The following SYDE2 variants were observed in gnomAD, a reference collection of about 807,000 sequenced individuals.
SYDE2 encodes rho GTPase-activating protein SYDE2.
In SYDE2, 76 loss-of-function variants were observed where a neutral mutation model predicts 91.5. The ratio of observed to expected loss-of-function variants is 0.83; its 90% CI spans 0.69 to 1.01. SYDE2 has a LOEUF of 1.01. Ranked by LOEUF, SYDE2 falls within the 50% of genes least tolerant of loss-of-function variation. SYDE2 has a pLI of 0.00. For synonymous variants in SYDE2, 513 were observed against 506.4 expected (o/e 1.01, Z -0.18); for missense variants, 1,364 against 1,367.7 (o/e 1.00, Z 0.04).
At chr1:85,167,977 G>C (rs767901359) in intron 5 of SYDE2, among the ~76,000 whole-genome samples, 8 of 152,064 alleles carry the variant, frequency 5.3e-5, no homozygotes, top group Non-Finnish European at 1.2e-4. Flanking sequence ...AGTCGGGCAT[G>C]GTGGCGCCCA....
chr1:85,196,796 G>A lies in SYDE2; in HGVS notation c.745+3456C>T, dbSNP rs1307041668. Among the ~76,000 whole-genome samples, 4 of 152,076 alleles carry A rather than the reference G, an allele frequency of 2.6e-5. No individual in the cohort carries two copies. In the South Asian group the frequency reaches 6.2e-4, roughly 24 times the overall value. On this transcript the variant is annotated intron_variant, in intron 1 of 6. Transcript: ENST00000341460. ...TGCAATTCATAAAGATAAAAAATCA[G>A]AGTTACAAATACTTGAGAAAAGTAG...
At chr1:85,160,082 G>C (rs1343935540) in intron 6 of SYDE2, 2 of 983,928 alleles carry the variant, frequency 2.0e-6, no homozygotes, top group Admixed American at 6.2e-5. Context: ...ATATAAAATA[G>C]ACAATTTAAA....
intron 3 of SYDE2, among the ~76,000 whole-genome samples, chr1:85,180,410 G>C (rs557101742): frequency 6.6e-6 from 1 of 152,170 alleles, no homozygotes; most frequent in South Asian, 2.1e-4. Flanking sequence ...TACAGTTCTA[G>C]GCCGGACGCG....
chr1:85,182,665 G>C lies in SYDE2; in HGVS notation c.1977C>G (p.Asp659Glu), dbSNP rs1341174839. Residue 659 changes from aspartate to glutamate, a missense_variant, in exon 3 of 7, where the codon GAC becomes GAG. Asp to Glu is a conservative substitution (Grantham distance 45). Transcript: ENST00000341460. ...ISNSCSKNEIDIDAFRHYSFS... is the reference protein window; with the variant it reads ...ISNSCSKNEIEIDAFRHYSFS... ...AGCTATAATGCCTAAAAGCATCAAT[G>C]TCTATTTCATTCTTGCTACAACTAT... is the stretch of plus-strand genomic sequence containing the variant. The C allele has an allele frequency of 6.2e-7, 1 of 1,613,644 alleles. No homozygotes were observed. The highest frequency in any genetic ancestry group is 8.5e-7 in the Non-Finnish European group (1 of 1,179,816).
At position 85,182,839 on chromosome 1, in the gene SYDE2, C is replaced by G; in HGVS notation, c.1803G>C (p.Gln601His). ...RYHLDTSVSS[Q>H]QSYQKKNSMS... ...TAGAGTTTTTCTTCTGGTAGCTCTG[C>G]TGGGAGGATACACTGGTATCAAGAT... The change falls in exon 3 of 7, where the codon CAG (glutamine) becomes CAC (histidine). Residue 601 changes from glutamine (Q) to histidine (H), a missense_variant. By Grantham distance (24) the Gln-to-His change is conservative. Coordinates refer to ENST00000341460, the MANE Select transcript of SYDE2 (RefSeq NM_032184.2). The G allele has an allele frequency of 6.2e-7, 1 of 1,613,776 alleles. No individual in the cohort carries two copies. The highest frequency in any genetic ancestry group is 8.5e-7 in the Non-Finnish European group (1 of 1,179,798).
chr1:85,187,486 T>C (rs1195271233), intron 2 of SYDE2, among the ~76,000 whole-genome samples: 1 of 151,470 alleles, frequency 6.6e-6, no homozygotes, highest in Admixed American at 6.6e-5. Flanking sequence ...GAACTAGAAA[T>C]ACCATTTGAC....
In SYDE2 at chr1:85,182,735, T is replaced by C. The variant is rs1657981149; in HGVS notation, c.1907A>G (p.His636Arg). ...TTTTCCAAATTTGTTTTCAGATCCA[T>C]GTTTGCTAGCTTTAGTTGTAAGTTC... ...SPELTTKASK[H>R]GSENKFGKGK... The change falls in exon 3 of 7, where the codon CAT becomes CGT. Residue 636 changes from histidine to arginine, a missense_variant. His to Arg is a conservative substitution (Grantham distance 29, BLOSUM62 0). Coordinates refer to ENST00000341460, the MANE Select transcript of SYDE2 (RefSeq NM_032184.2). 1.9e-6 allele frequency: 3 copies of C among 1,613,940 alleles called. No individual in the cohort carries two copies. The highest frequency in any genetic ancestry group is 2.5e-6 in the Non-Finnish European group (3 of 1,179,862).
intron 1 of SYDE2, 145 bp from the exon 2 acceptor site, chr1:85,190,897 A>G (rs1237818914): frequency 1.8e-6 from 1 of 543,492 alleles, no homozygotes; most frequent in African/African-American, 1.9e-5. Context: ...ACTAGAAAAA[A>G]TTTGAATTTT....
chr1:85,160,076 A>T, intron 6 of SYDE2: 1 of 984,362 alleles, frequency 1.0e-6, no homozygotes, highest in Non-Finnish European at 1.2e-6. Context: ...TTCTGTATAT[A>T]AAATAGACAA....
chr1:85,159,983 A>G, intron 6 of SYDE2: 1 of 982,584 alleles, frequency 1.0e-6, no homozygotes, highest in Non-Finnish European at 1.2e-6. Context: ...TGCTAGCCAT[A>G]TAGACGATTA....
chr1:85,165,068 C>G (rs1657212993), intron 5 of SYDE2, among the ~76,000 whole-genome samples: 1 of 152,054 alleles, frequency 6.6e-6, no homozygotes, highest in African/African-American at 2.4e-5. Context: ...AACCTCATCT[C>G]TACTAAAATA....
chr1:85,197,819 T>G (rs1658648802), intron 1 of SYDE2, among the ~76,000 whole-genome samples: 1 of 152,028 alleles, frequency 6.6e-6, no homozygotes, highest in Non-Finnish European at 1.5e-5. Context: ...CACGCCCGGC[T>G]AATTTTTTGT....
intron 1 of SYDE2, among the ~76,000 whole-genome samples, chr1:85,198,763 A>G (rs1658696447): frequency 6.6e-6 from 1 of 152,018 alleles, no homozygotes; most frequent in African/African-American, 2.4e-5. Flanking sequence ...ATTTTTTGTT[A>G]TGGCTGAAAT....
intron 6 of SYDE2, chr1:85,160,475 T>C (rs1041229835): frequency 2.1e-6 from 2 of 962,744 alleles, no homozygotes; most frequent in African/African-American, 3.5e-5. Context: ...TTTCTTGATC[T>C]AAAATTTTCT....
chr1:85,189,914 G>T, intron 2 of SYDE2, 143 bp downstream of exon 2: 1 of 668,086 alleles, frequency 1.5e-6, no homozygotes, highest in Non-Finnish European at 2.4e-6. Flanking sequence ...AAAACTTTTT[G>T]AGTTTTATTT....
rs780570662 is a variant in SYDE2, at chr1:85,169,092, G to A, written c.2805C>T (p.Asp935=). 1.7e-5 allele frequency: 28 copies of A among 1,613,804 alleles called. 1 individual carries two copies. In the South Asian group the frequency reaches 2.7e-4, roughly 16 times the overall value. ...SSNGCENDPG[D]SKYTVDLLDC... ...CCAGCAGGTCAACAGTGTACTTAGAGTCACCTGGGTCATTCTCACAACCAT... is the reference window on the plus strand; with the variant it reads ...CCAGCAGGTCAACAGTGTACTTAGAATCACCTGGGTCATTCTCACAACCAT... The change falls in exon 5 of 7, where the codon GAC becomes GAT. Residue 935 remains aspartate (D), a synonymous_variant. Coordinates refer to ENST00000341460, the MANE Select transcript of SYDE2 (RefSeq NM_032184.2).
intron 6 of SYDE2, chr1:85,159,996 ACAGAG>A (rs879885958): frequency 0.075 from 72,824 of 977,398 alleles, 3,187 homozygotes; most frequent in Middle Eastern, 0.1. Context: ...GACGATTACC[ACAGAG>A]ACACACATTA....
intron 3 of SYDE2, among the ~76,000 whole-genome samples, chr1:85,178,491 G>A (rs817440): frequency 0.23 from 34,249 of 151,874 alleles, 4,776 homozygotes; most frequent in African/African-American, 0.38. Context: ...CTATCAGTTC[G>A]GTAATGCTGG....
intron 6 of SYDE2, among the ~76,000 whole-genome samples, chr1:85,163,438 C>CT (rs1657134401): frequency 1.2e-5 from 1 of 82,616 alleles, no homozygotes; most frequent in Non-Finnish European, 2.5e-5. Context: ...TTCTCTTGTA[C>CT]TTTAATCTAT....
Sources: gnomAD v4.1 joint callset for allele counts (sites outside exome capture counted in the v4.1 genomes callset) on GRCh38, gnomAD v4.1.1 for gene constraint, MANE v1.5 for transcripts, NCBI Gene and HGNC (gene_info 2026-07-23, HGNC 2026-07-21) for gene names.